The following ZBTB11 variants were observed in gnomAD, a reference collection of about 807,000 sequenced individuals.
The protein encoded by ZBTB11 is zinc finger and BTB domain-containing protein 11.
Under a neutral mutation model 113.1 loss-of-function variants are expected in ZBTB11, and 68 were observed. The observed-to-expected ratio is 0.60, with a 90% CI of 0.49 to 0.74. The LOEUF (loss-of-function observed/expected upper bound fraction) is 0.74, where lower values mean the gene tolerates loss of function less well. Among genes scored for constraint, ZBTB11 ranks in the 30% least tolerant of loss-of-function variants. The pLI, the probability that ZBTB11 is intolerant of heterozygous loss-of-function variation, is 0.00. For missense variants in ZBTB11, 1,104 were observed against 1,279.4 expected, an observed-to-expected ratio of 0.86 and a Z score of 2.09; for synonymous variants, 518 against 452.6, an observed-to-expected ratio of 1.14 and a Z score of -1.83.
chr3:101,661,269 GCTAA>G (rs1279120842), intron 5 of ZBTB11, among the ~76,000 whole-genome samples: 2 of 151,528 alleles, frequency 1.3e-5, no homozygotes, highest in Admixed American at 6.6e-5. Flanking sequence ...TATGTCCTGG[GCTAA>G]CTGTTCCCTA....
At position 101,655,197 on chromosome 3, in the gene ZBTB11, T is replaced by A. The variant is rs535048334; in HGVS notation, c.2192-376A>T. ...GGCCTTTAATAAACAGAATTCTTCA[T>A]GTCATATTTCAGAAGTTACTTTACC... On this transcript the variant is annotated intron_variant, in intron 7 of 10. Coordinates refer to ENST00000312938, the MANE Select transcript of ZBTB11 (RefSeq NM_014415.4). Among the ~76,000 whole-genome samples, 7 of 152,288 alleles carry A rather than the reference T, an allele frequency of 4.6e-5. No homozygotes were observed. The South Asian group carries it at 1.5e-3, about 32-fold the overall frequency.
intron 3 of ZBTB11, among the ~76,000 whole-genome samples, chr3:101,667,887 A>G (rs1296289573): frequency 6.6e-6 from 1 of 152,168 alleles, no homozygotes; most frequent in Admixed American, 6.5e-5. Context: ...AAAAGAAATT[A>G]TATCAAAGAG....
In ZBTB11 at chr3:101,671,577, CT is replaced by C. The variant is rs978889736; in HGVS notation, c.547-217del. ...TCACCTAATGAAAATCTGTATCTCA[CT>C]TCTGGCTGCCTCTTCTTACTAATCA... On this transcript the variant is annotated intron_variant, in intron 2 of 10. Transcript: ENST00000312938. 6.8e-6 allele frequency: 4 copies of C among 584,590 alleles called. No homozygotes were observed. In the African/African-American group the frequency reaches 7.5e-5, roughly 11 times the overall value. 36.2% of individuals were successfully genotyped at this position (584,590 alleles called of 1,614,324 possible). A position where few individuals can be genotyped will look rare whatever the true frequency, so the allele number is the denominator to read the frequency against.
At chr3:101,656,952 G>T (rs1936808526) in intron 6 of ZBTB11, among the ~76,000 whole-genome samples, 1 of 150,376 alleles carries the variant, frequency 6.6e-6, no homozygotes, top group Non-Finnish European at 1.5e-5. Flanking sequence ...TGGTCAACAT[G>T]GTGAAACCCT....
Position 101,676,729 on chromosome 3 carries a change from C to A in ZBTB11, c.186G>T (p.Leu62=), listed in dbSNP as rs530950169. The change falls in exon 1 of 11, where the codon CTG becomes CTT. Residue 62 remains leucine (L), a synonymous_variant. Transcript: ENST00000312938. ...RQRHRKTFAE[L]EVVLQPERRR... ...GTCGCTCCGGCTGCAGCACCACCTC[C>A]AGCTCCGCGAAGGTCTTGCGGTGCC... 63 of 1,602,792 alleles carry A rather than the reference C, an allele frequency of 3.9e-5. No homozygotes were observed. Among genetic ancestry groups the A allele is most frequent in the Non-Finnish European group, 5.1e-5 (60 of 1,174,918 alleles).
At position 101,675,942 on chromosome 3, in the gene ZBTB11, C is replaced by A. The variant is rs113199381; in HGVS notation, c.310+663G>T. 4.3e-3 allele frequency among the ~76,000 whole-genome samples: 662 copies of A among 152,234 alleles called. 5 individuals are homozygous for A. Among genetic ancestry groups the A allele is most frequent in the African/African-American group, 0.014 (594 of 41,536 alleles). On this transcript the variant is annotated intron_variant, in intron 1 of 10. Coordinates refer to ENST00000312938, the MANE Select transcript of ZBTB11 (RefSeq NM_014415.4). ...CCCGTGTCTACTCAAACACCCCGCCCCCGCAAAACCAAACAACAAAAACAG... is the reference window on the plus strand; with the variant it reads ...CCCGTGTCTACTCAAACACCCCGCCACCGCAAAACCAAACAACAAAAACAG...
rs763108185 is a variant in ZBTB11 at position 101,676,615 on chromosome 3, G to A, written c.300C>T (p.Tyr100=). 2.6e-6 allele frequency: 4 copies of A among 1,509,652 alleles called. No homozygotes were observed. Among genetic ancestry groups the A allele is most frequent in the African/African-American group, 1.4e-5 (1 of 71,174 alleles). The allele number at this position is 1,509,652 out of a possible 1,614,324, so 93.5% of individuals were successfully genotyped here. Residue 100 remains tyrosine (Y), a synonymous_variant, in exon 1 of 11, where the codon TAC becomes TAT. Coordinates refer to ENST00000312938, the MANE Select transcript of ZBTB11 (RefSeq NM_014415.4). ...HQTWHYLSKT[Y]WWRGILKQVK... ...CGGGCTAGGTCTCACCTCGCCACCA[G>A]TACGTCTTGGACAAGTAGTGCCAGG...
At chr3:101,671,386 G>C in intron 2 of ZBTB11, 25 bp from the exon 3 acceptor site, 1 of 1,574,394 alleles carries the variant, frequency 6.4e-7, no homozygotes, top group Non-Finnish European at 8.7e-7. Context: ...TTGAGAGCAA[G>C]AGTAACATAT....
chr3:101,666,577 T>C (rs1268609031), intron 3 of ZBTB11, among the ~76,000 whole-genome samples: 1 of 152,212 alleles, frequency 6.6e-6, no homozygotes, highest in East Asian at 1.9e-4. Context: ...GTTTCTTTTC[T>C]AAAATTCTCA....
rs80087243 is a variant in ZBTB11, at chr3:101,675,557, T to C, written c.310+1048A>G. ...AAATTTCTTAAATGGGACTATAAAC[T>C]ATTAACTAATTCTGACAGTTTGAAT... On this transcript the variant is annotated intron_variant, in intron 1 of 10. Transcript: ENST00000312938. 2.6e-3 allele frequency among the ~76,000 whole-genome samples: 389 copies of C among 152,354 alleles called. 1 individual carries two copies. The highest frequency in any genetic ancestry group is 8.8e-3 in the African/African-American group (367 of 41,580).
chr3:101,654,533 T>C (rs769871381), intron 8 of ZBTB11, among the ~76,000 whole-genome samples, 171 bp downstream of exon 8: 33 of 152,080 alleles, frequency 2.2e-4, no homozygotes, highest in Non-Finnish European at 2.8e-4. Flanking sequence ...GTATGGTAAA[T>C]GATTTACATC....
intron 3 of ZBTB11, among the ~76,000 whole-genome samples, chr3:101,668,726 C>T (rs1937036399): frequency 6.6e-6 from 1 of 151,804 alleles, no homozygotes; most frequent in Admixed American, 6.6e-5. Flanking sequence ...TTGATCATTA[C>T]TAATTGTATA....
rs1167668563 is a variant in ZBTB11 at position 101,676,993 on chromosome 3, G to C, written c.-79C>G. 9.0e-6 allele frequency: 13 copies of C among 1,445,672 alleles called. No homozygotes were observed. Among genetic ancestry groups the C allele is most frequent in the Non-Finnish European group, 1.1e-5 (12 of 1,088,490 alleles). The allele number at this position is 1,445,672 out of a possible 1,614,324, so 89.6% of individuals were successfully genotyped here. ...CCGCTACCTACGGGCGGCTGCAGGA[G>C]GAGCGGCGGCACCGTAGGGAGAAAC... On this transcript the variant is annotated 5_prime_UTR_variant, in exon 1 of 11. Transcript: ENST00000312938.
rs184780582 is a variant in ZBTB11, at chr3:101,655,953, G to A, written c.2191+151C>T. 9.2e-4 allele frequency: 548 copies of A among 598,704 alleles called. 1 individual carries two copies. Among genetic ancestry groups the A allele is most frequent in the Middle Eastern group, 8.2e-3 (14 of 1,710 alleles). The allele number at this position is 598,704 out of a possible 1,614,324, so 37.1% of individuals were successfully genotyped here. On this transcript the variant is annotated intron_variant, in intron 7 of 10. Transcript: ENST00000312938. ...GGGGATTACAGGCGTGAGCCACCGC[G>A]CCCAGCCTGCACTTTTAATTTAAAA...
Position 101,651,100 on chromosome 3 carries a change from G to A in ZBTB11, c.*66C>T. ...TCCAAGCAGACAGTCACACAGAATT[G>A]TAAACAAATGTTCTGTGAGTTCAGT... On this transcript the variant is annotated 3_prime_UTR_variant, in exon 11 of 11. Transcript: ENST00000312938. The A allele has an allele frequency of 6.8e-7, 1 of 1,475,126 alleles. No individual in the cohort carries two copies. Among genetic ancestry groups the A allele is most frequent in the South Asian group, 1.4e-5 (1 of 71,376 alleles). 91.4% of individuals were successfully genotyped at this position (1,475,126 alleles called of 1,614,324 possible). A position where few individuals can be genotyped will look rare whatever the true frequency, so the allele number is the denominator to read the frequency against.
rs768810726 is a variant in ZBTB11 at position 101,676,735 on chromosome 3, C to T, written c.180G>A (p.Ala60=). ...QRRQRHRKTF[A]ELEVVLQPER... ...CCGGCTGCAGCACCACCTCCAGCTC[C>T]GCGAAGGTCTTGCGGTGCCGCTGCC... The change falls in exon 1 of 11, where the codon GCG becomes GCA. Residue 60 remains alanine (A), a synonymous_variant. Transcript: ENST00000312938. 6.2e-7 allele frequency: 1 copy of T among 1,604,374 alleles called. No homozygotes were observed. The highest frequency in any genetic ancestry group is 1.7e-4 in the Middle Eastern group (1 of 6,030).
chr3:101,674,687 A>T lies in ZBTB11; in HGVS notation c.310+1918T>A, dbSNP rs530747059. Among the ~76,000 whole-genome samples the T allele has an allele frequency of 4.6e-5, 7 of 150,884 alleles. No individual in the cohort carries two copies. The Middle Eastern group carries it at 0.017, about 367-fold the overall frequency. On this transcript the variant is annotated intron_variant, in intron 1 of 10. Transcript: ENST00000312938. ...GCACTCCAGCCTGGGCAACAGAGTG[A>T]CTCTGTCTCAATAAATAAATAAATA...
In ZBTB11 at chr3:101,664,579, G is replaced by C. The variant is rs747634438; in HGVS notation, c.1759C>G (p.His587Asp). 2 of 1,610,028 alleles carry C rather than the reference G, an allele frequency of 1.2e-6. No individual in the cohort carries two copies. Among genetic ancestry groups the C allele is most frequent in the South Asian group, 2.2e-5 (2 of 89,812 alleles). Reference protein sequence around the residue: ...VFQRRYALIMHKLKHERARDY... With the variant: ...VFQRRYALIMDKLKHERARDY... ...CTAGCTCTTTCATGTTTCAGTTTGT[G>C]CATTATAAGGGCGTATCGTCTCTGA... The change falls in exon 5 of 11, where the codon CAC becomes GAC. Residue 587 changes from histidine (H) to aspartate (D), a missense_variant. His to Asp is a moderately conservative substitution (Grantham distance 81). Transcript: ENST00000312938.
chr3:101,650,931 T>G lies in ZBTB11; in HGVS notation c.*235A>C. The G allele has an allele frequency of 2.9e-6, 1 of 347,146 alleles. No homozygotes were observed. Among genetic ancestry groups the G allele is most frequent in the East Asian group, 4.5e-5 (1 of 22,254 alleles). 21.5% of individuals were successfully genotyped at this position (347,146 alleles called of 1,614,324 possible). ...TAAACCACTGCCATCAAATATTAGG[T>G]TGGTGCAAAAGCAATTGCACCAACC... On this transcript the variant is annotated 3_prime_UTR_variant, in exon 11 of 11. Transcript: ENST00000312938.
Sources: gnomAD v4.1 joint callset for allele counts (sites outside exome capture counted in the v4.1 genomes callset) on GRCh38, gnomAD v4.1.1 for gene constraint, MANE v1.5 for transcripts, NCBI Gene and HGNC (gene_info 2026-07-23, HGNC 2026-07-21) for gene names.